RAB11FIP4: variants seen among roughly 807,000 people sequenced by gnomAD.
RAB11FIP4 encodes rab11 family-interacting protein 4.
RAB11FIP4 carries 23 observed loss-of-function variants against 74.3 expected under a neutral mutation model. That is an observed-to-expected ratio of 0.31 (90% CI 0.22 to 0.44). The LOEUF (loss-of-function observed/expected upper bound fraction) is 0.44, where lower values mean the gene tolerates loss of function less well. Among genes scored for constraint, RAB11FIP4 ranks in the 20% least tolerant of loss-of-function variants. The pLI is 1.00. For synonymous variants in RAB11FIP4, 360 were observed against 359.9 expected (o/e 1.00, Z 0.00); for missense variants, 630 against 863.9 (o/e 0.73, Z 3.39).
Position 31,512,965 on chromosome 17 carries a change from G to C in RAB11FIP4, c.337-4686G>C, listed in dbSNP as rs907515690. Among the ~76,000 whole-genome samples, 4 of 152,108 alleles carry C rather than the reference G, an allele frequency of 2.6e-5. No individual in the cohort carries two copies. Among genetic ancestry groups the C allele is most frequent in the Admixed American group, 2.6e-4 (4 of 15,268 alleles). On this transcript the variant is annotated intron_variant, in intron 3 of 14. Transcript: ENST00000621161. The surrounding 1 kb of genome is among the most constrained non-coding windows in gnomAD (Gnocchi z 4.1). ...GCCACCTAGAAACATGAGCTCTGGG[G>C]AGGCCCTGTCCCTGCCCCACCACTC...
intron 3 of RAB11FIP4, among the ~76,000 whole-genome samples, chr17:31,494,542 G>A (rs1368441657): frequency 3.3e-5 from 5 of 152,004 alleles, no homozygotes; most frequent in African/African-American, 7.3e-5. Context: ...AGGTGGCAGC[G>A]GAAAAACTCC....
chr17:31,399,254 A>T (rs909625697), intron 1 of RAB11FIP4, among the ~76,000 whole-genome samples: 15 of 152,154 alleles, frequency 9.9e-5, no homozygotes, highest in African/African-American at 3.4e-4. Flanking sequence ...CCTGGGCGGG[A>T]TGGAGGGGAA....
intron 7 of RAB11FIP4, chr17:31,523,276 G>A (rs2072701645): frequency 3.5e-6 from 2 of 569,746 alleles, no homozygotes; most frequent in Admixed American, 5.9e-5. Context: ...GAGAAGCTGT[G>A]CGTCATTGGC....
chr17:31,400,642 T>A (rs900462970), intron 1 of RAB11FIP4, among the ~76,000 whole-genome samples: 3 of 152,158 alleles, frequency 2.0e-5, no homozygotes, highest in African/African-American at 7.2e-5. Flanking sequence ...GGAGAAGCCG[T>A]GGAGCAGTGG....
At chr17:31,456,426 C>G (rs563989664) in intron 3 of RAB11FIP4, among the ~76,000 whole-genome samples, 1 of 152,178 alleles carries the variant, frequency 6.6e-6, no homozygotes, top group East Asian at 1.9e-4. Context: ...AGGCTTGTCT[C>G]GAACTCCTGA....
At chr17:31,435,273 T>G (rs908700029) in intron 3 of RAB11FIP4, among the ~76,000 whole-genome samples, 1 of 152,154 alleles carries the variant, frequency 6.6e-6, no homozygotes, top group African/African-American at 2.4e-5. Flanking sequence ...GTGAGAAAGT[T>G]CCCACCTTAT....
intron 1 of RAB11FIP4, among the ~76,000 whole-genome samples, chr17:31,399,577 G>C (rs1187135333): frequency 6.6e-6 from 1 of 151,048 alleles, no homozygotes; most frequent in Non-Finnish European, 1.5e-5. Flanking sequence ...GCCGGGCGTG[G>C]TGGCATGCGC....
At chr17:31,435,720 C>T (rs2151629177) in intron 3 of RAB11FIP4, among the ~76,000 whole-genome samples, 1 of 152,174 alleles carries the variant, frequency 6.6e-6, no homozygotes, top group East Asian at 1.9e-4. Flanking sequence ...CTGGGCAGGA[C>T]TGGAGGAGGG....
intron 1 of RAB11FIP4, among the ~76,000 whole-genome samples, chr17:31,411,058 G>T (rs1327189381): frequency 6.6e-6 from 1 of 152,054 alleles, no homozygotes; most frequent in Non-Finnish European, 1.5e-5. Context: ...GGATCAGAAT[G>T]CCAGGCTCAA....
At chr17:31,436,856 C>T (rs1014421181) in intron 3 of RAB11FIP4, among the ~76,000 whole-genome samples, 7 of 150,858 alleles carry the variant, frequency 4.6e-5, no homozygotes, top group African/African-American at 9.8e-5. Context: ...GGTGCAATCT[C>T]GGTTCACTGC....
rs566801679 is a variant in RAB11FIP4, at chr17:31,467,306, T to C, written c.336+33184T>C. On this transcript the variant is annotated intron_variant, in intron 3 of 14. Coordinates refer to ENST00000621161, the MANE Select transcript of RAB11FIP4 (RefSeq NM_032932.6). ...TTTGTATTTTTAGTAGAGACTAAAA[T>C]GGGGGTTTCACCAAGTTGGCCAGGC... is the stretch of plus-strand genomic sequence containing the variant. Among the ~76,000 whole-genome samples, 29 of 152,110 alleles carry C rather than the reference T, an allele frequency of 1.9e-4. No individual in the cohort carries two copies. In the South Asian group the frequency reaches 2.9e-3, roughly 15 times the overall value.
At chr17:31,399,689 GA>G (rs2057872680) in intron 1 of RAB11FIP4, among the ~76,000 whole-genome samples, 1 of 151,994 alleles carries the variant, frequency 6.6e-6, no homozygotes, top group African/African-American at 2.4e-5. Context: ...CTCCAGCCTG[GA>G]TGACAGAGCG....
intron 3 of RAB11FIP4, among the ~76,000 whole-genome samples, chr17:31,461,462 A>G (rs900106961): frequency 6.6e-6 from 1 of 152,232 alleles, no homozygotes; most frequent in East Asian, 1.9e-4. Context: ...TCAGAGCTTT[A>G]ATATCCCAGC....
chr17:31,439,595 T>A (rs1387964552), intron 3 of RAB11FIP4, among the ~76,000 whole-genome samples: 1 of 152,210 alleles, frequency 6.6e-6, no homozygotes, highest in African/African-American at 2.4e-5. Flanking sequence ...TTATAAGAAA[T>A]CTCTGTATAT....
chr17:31,523,808 C>T lies in RAB11FIP4; in HGVS notation c.1030-85C>T, dbSNP rs975158301. On this transcript the variant is annotated intron_variant, in intron 8 of 14. Transcript: ENST00000621161. ...CTCAGATACACAGTGGTTTGGAGGT[C>T]CTGCTCATGAACCTCATGGCGTCGA... 8.8e-6 allele frequency: 10 copies of T among 1,130,626 alleles called. No homozygotes were observed. In the East Asian group the frequency reaches 1.5e-4, roughly 17 times the overall value. 70.0% of individuals were successfully genotyped at this position (1,130,626 alleles called of 1,614,324 possible).
At chr17:31,453,792 CAAAA>C (rs555119408) in intron 3 of RAB11FIP4, among the ~76,000 whole-genome samples, 67 of 62,602 alleles carry the variant, frequency 1.1e-3, no homozygotes, top group South Asian at 2.4e-3. Context: ...AGACTCGTCT[CAAAA>C]AAAAAAAAAA....
In RAB11FIP4 at chr17:31,532,983, A is replaced by G. The variant is rs1037168595; in HGVS notation, c.*1251A>G. 1.3e-4 allele frequency: 20 copies of G among 152,160 alleles called. No individual in the cohort carries two copies. Among genetic ancestry groups the G allele is most frequent in the African/African-American group, 4.8e-4 (20 of 41,416 alleles). 9.4% of individuals were successfully genotyped at this position (152,160 alleles called of 1,614,324 possible). On this transcript the variant is annotated 3_prime_UTR_variant, in exon 15 of 15. Coordinates refer to ENST00000621161, the MANE Select transcript of RAB11FIP4 (RefSeq NM_032932.6). ...TACTTACCTTAGAGTTTTCCAATTT[A>G]TCTCAATTTTATATGGCTTGTGATT...
chr17:31,405,843 G>A (rs532507876), intron 1 of RAB11FIP4, among the ~76,000 whole-genome samples: 37 of 152,234 alleles, frequency 2.4e-4, no homozygotes, highest in African/African-American at 8.7e-4. Context: ...TGATTGCCTG[G>A]TGTGAGCTAT....
chr17:31,463,750 C>T (rs533000672), intron 3 of RAB11FIP4, among the ~76,000 whole-genome samples: 3 of 145,342 alleles, frequency 2.1e-5, no homozygotes, highest in South Asian at 2.2e-4. Flanking sequence ...GGTGATCGCT[C>T]GCCTAGGCCT....
Sources: gnomAD v4.1 joint callset for allele counts (sites outside exome capture counted in the v4.1 genomes callset) on GRCh38, gnomAD v4.1.1 for gene constraint, Gnocchi (gnomAD v3.1) non-coding constraint, MANE v1.5 for transcripts, NCBI Gene and HGNC (gene_info 2026-07-23, HGNC 2026-07-21) for gene names.